Variants in ARHGAP32 observed in about 807,000 individuals in gnomAD.
ARHGAP32 encodes rho GTPase-activating protein 32.
ARHGAP32 carries 51 observed loss-of-function variants against 186.5 expected under a neutral mutation model. The observed-to-expected ratio is 0.27, with a 90% CI of 0.22 to 0.35. The LOEUF is 0.35. Ranked by LOEUF, ARHGAP32 falls within the 10% of genes least tolerant of loss-of-function variation. ARHGAP32 has a pLI of 1.00. For missense variants in ARHGAP32, 2,186 were observed against 2,623.5 expected (o/e 0.83, Z 3.64); for synonymous variants, 950 against 964.3 (o/e 0.99, Z 0.27).
intron 1 of ARHGAP32, among the ~76,000 whole-genome samples, chr11:129,250,989 C>T (rs73584228): frequency 0.011 from 1,616 of 152,300 alleles, 29 homozygotes; most frequent in African/African-American, 0.036. Context: ...TAAAAAGTTA[C>T]ACTGCATGCT....
At chr11:129,174,979 C>A (rs1425413746) in intron 1 of ARHGAP32, among the ~76,000 whole-genome samples, 14 of 140,742 alleles carry the variant, frequency 9.9e-5, no homozygotes, top group South Asian at 4.6e-4. Flanking sequence ...AGGCTTCAGA[C>A]GATCAAATTA....
chr11:129,258,489 C>T (rs955472176), intron 1 of ARHGAP32, among the ~76,000 whole-genome samples: 1 of 152,086 alleles, frequency 6.6e-6, no homozygotes, highest in Admixed American at 6.6e-5. Context: ...CTTCCAGCTC[C>T]GAGCTCCCAC....
intron 1 of ARHGAP32, among the ~76,000 whole-genome samples, chr11:129,197,376 G>A (rs1944406551): frequency 6.6e-6 from 1 of 152,172 alleles, no homozygotes; most frequent in Non-Finnish European, 1.5e-5. Flanking sequence ...GTAGAACCAA[G>A]ATCTTGATGC....
At chr11:129,024,565 C>A (rs1938748102) in intron 11 of ARHGAP32, among the ~76,000 whole-genome samples, 2 of 152,106 alleles carry the variant, frequency 1.3e-5, no homozygotes, top group South Asian at 2.1e-4. Flanking sequence ...TCTACTAACA[C>A]ATTTTTTTAA....
intron 20 of ARHGAP32, among the ~76,000 whole-genome samples, chr11:128,975,511 A>C (rs1276103546): frequency 6.6e-6 from 1 of 152,178 alleles, no homozygotes; most frequent in Non-Finnish European, 1.5e-5. Flanking sequence ...TCATAATCCC[A>C]TAAAGTATTT....
At chr11:129,149,903 G>C (rs1943251462) in intron 2 of ARHGAP32, among the ~76,000 whole-genome samples, 1 of 151,710 alleles carries the variant, frequency 6.6e-6, no homozygotes, top group Non-Finnish European at 1.5e-5. Context: ...AGAAAATACA[G>C]GATATAGATA....
chr11:129,183,359 TA>T (rs762246029), intron 1 of ARHGAP32, among the ~76,000 whole-genome samples: 1 of 152,158 alleles, frequency 6.6e-6, no homozygotes, highest in South Asian at 2.1e-4. Flanking sequence ...TTTAGTTTTT[TA>T]AAAAGGATTC....
chr11:129,010,287 T>C (rs1938011090), intron 11 of ARHGAP32, among the ~76,000 whole-genome samples: 1 of 152,234 alleles, frequency 6.6e-6, no homozygotes. Context: ...GCTGAATCTC[T>C]TTAGTTTAAT....
In ARHGAP32 at chr11:128,968,935, T is replaced by C; in HGVS notation, c.6278A>G (p.His2093Arg). ...TTCTGCATGGATCTGTGTTTCAGGA[T>C]GCTGCAAGGACAACTCTGCGGGCAG... ...AFLPAELSLQ[H>R]PETQIHAE Residue 2093 changes from histidine to arginine, a missense_variant, in exon 23 of 23, where the codon CAT (histidine) becomes CGT (arginine). This residue lies in a region of ARHGAP32 where 1,502 missense variants were observed against 1,570.0 expected (regional missense o/e 0.96). Transcript: ENST00000682385. The C allele has an allele frequency of 1.3e-6, 2 of 1,544,092 alleles. No individual in the cohort carries two copies. The highest frequency in any genetic ancestry group is 8.8e-7 in the Non-Finnish European group (1 of 1,140,658).
chr11:129,215,524 C>A (rs1025687195), intron 1 of ARHGAP32, among the ~76,000 whole-genome samples: 4 of 152,172 alleles, frequency 2.6e-5, no homozygotes, highest in Non-Finnish European at 5.9e-5. Flanking sequence ...TTCAGCAGGG[C>A]TGGTTCCTTC....
At chr11:129,249,822 G>C (rs1437100410) in intron 1 of ARHGAP32, among the ~76,000 whole-genome samples, 1 of 151,994 alleles carries the variant, frequency 6.6e-6, no homozygotes, top group Non-Finnish European at 1.5e-5. Flanking sequence ...AGCAATACTA[G>C]AAACAGCAAT....
chr11:129,044,285 T>G (rs987253047), intron 10 of ARHGAP32, among the ~76,000 whole-genome samples: 1 of 152,226 alleles, frequency 6.6e-6, no homozygotes, highest in Non-Finnish European at 1.5e-5. Context: ...ATTGATTTGT[T>G]AACTAAATGG....
At chr11:129,001,376 C>T (rs1946354312) in intron 11 of ARHGAP32, among the ~76,000 whole-genome samples, 1 of 152,188 alleles carries the variant, frequency 6.6e-6, no homozygotes, top group African/African-American at 2.4e-5. Context: ...CAATGATGTT[C>T]AGTATCTTTT....
At chr11:129,246,525 A>G (rs565979486) in intron 1 of ARHGAP32, among the ~76,000 whole-genome samples, 117 of 152,342 alleles carry the variant, frequency 7.7e-4, no homozygotes, top group Non-Finnish European at 1.3e-3. Flanking sequence ...CAATACCTCG[A>G]AATCCAATAA....
At chr11:129,094,159 T>C (rs1941664108) in intron 5 of ARHGAP32, among the ~76,000 whole-genome samples, 1 of 152,020 alleles carries the variant, frequency 6.6e-6, no homozygotes. Flanking sequence ...AAAGACCTAG[T>C]ATTTGATAGC....
intron 11 of ARHGAP32, among the ~76,000 whole-genome samples, chr11:129,018,897 T>C (rs1479219961): frequency 6.6e-6 from 1 of 152,216 alleles, no homozygotes; most frequent in African/African-American, 2.4e-5. Context: ...TTTTCCTTTT[T>C]ATAACACAAA....
At chr11:129,113,482 T>C (rs1430533201) in intron 5 of ARHGAP32, among the ~76,000 whole-genome samples, 1 of 152,186 alleles carries the variant, frequency 6.6e-6, no homozygotes, top group East Asian at 1.9e-4. Flanking sequence ...ATAATATATT[T>C]GTGTATTTTA....
intron 6 of ARHGAP32, among the ~76,000 whole-genome samples, chr11:129,067,436 A>T (rs1249919878): frequency 6.6e-6 from 1 of 152,092 alleles, no homozygotes; most frequent in Non-Finnish European, 1.5e-5. Flanking sequence ...CTCATAAAGG[A>T]TATTTATTAG....
chr11:129,193,731 TAA>T (rs1491150474), upstream of ARHGAP32, among the ~76,000 whole-genome samples: 5 of 93,426 alleles, frequency 5.4e-5, no homozygotes, highest in African/African-American at 2.3e-4. Context: ...ATATTATATA[TAA>T]TATATATTAT....
Sources: allele counts gnomAD v4.1 joint callset (sites outside exome capture counted in the v4.1 genomes callset), GRCh38; gene constraint gnomAD v4.1.1; regional missense constraint gnomAD v4.1.1; transcripts MANE v1.5; gene names NCBI Gene and HGNC (gene_info 2026-07-23, HGNC 2026-07-21).